PNN: variants seen among roughly 807,000 people sequenced by gnomAD.
PNN encodes pinin, desmosome associated protein.
A neutral mutation model predicts 76.6 loss-of-function variants in PNN; 38 were observed. That is an observed-to-expected ratio of 0.50 (90% confidence interval 0.38 to 0.65). The LOEUF (loss-of-function observed/expected upper bound fraction) is 0.65, where lower values mean the gene tolerates loss of function less well. PNN is among the 30% of genes least tolerant of loss of function. The probability of loss-of-function intolerance (pLI) is 0.00; values close to 1 mark genes in which losing one functional copy is unlikely to be tolerated. For missense variants in PNN, 873 were observed against 874.1 expected (o/e 1.00, Z 0.02); for synonymous variants, 366 against 283.7 (o/e 1.29, Z -2.91).
chr14:39,179,186 G>A lies in PNN; in HGVS notation c.594G>A (p.Glu198=). The change falls in exon 7 of 9, where the codon GAG becomes GAA. Residue 198 remains glutamate (E), a synonymous_variant. Coordinates refer to ENST00000216832, the MANE Select transcript of PNN (RefSeq NM_002687.4). ...VENERRELFE[E]RRAKQTELRL... is the part of the protein sequence containing the mutation. ...ATGAAAGGAGAGAACTGTTTGAAGA[G>A]AGGCGTGCTAAACAGACAGAACTGC... 6.2e-7 allele frequency: 1 copy of A among 1,614,148 alleles called. No homozygotes were observed.
In PNN at chr14:39,181,120, G is replaced by A; in HGVS notation, c.1411G>A (p.Glu471Lys). ...KEEKESEPQP[E>K]PVAQPQPQSQ... is the part of the protein sequence containing the mutation. ...AGAAAAAGAATCTGAGCCCCAACCT[G>A]AGCCTGTGGCTCAACCTCAGCCTCA... Residue 471 changes from glutamate to lysine, a missense_variant, in exon 9 of 9, where the codon GAG (glutamate) becomes AAG (lysine). By Grantham distance (56) the Glu-to-Lys change is moderately conservative (BLOSUM62 1). Around this residue, in one of 3 missense-constraint regions of PNN, gnomAD observed 712 missense variants for 693.1 expected, o/e 1.03. Transcript: ENST00000216832. 6.2e-7 allele frequency: 1 copy of A among 1,612,704 alleles called. No individual in the cohort carries two copies. The highest frequency in any genetic ancestry group is 8.5e-7 in the Non-Finnish European group (1 of 1,178,768).
At chr14:39,176,046 T>C (rs1418137391) in intron 1 of PNN, 32 bp from the exon 2 acceptor site, 6 of 1,291,326 alleles carry the variant, frequency 4.6e-6, no homozygotes, top group South Asian at 2.4e-5. Flanking sequence ...TGTCTACATA[T>C]GATTTTGCAC....
Position 39,181,502 on chromosome 14 carries a change from G to C in PNN, c.1793G>C (p.Ser598Thr). The C allele has an allele frequency of 6.2e-7, 1 of 1,601,222 alleles. No individual in the cohort carries two copies. Among genetic ancestry groups the C allele is most frequent in the Non-Finnish European group, 8.5e-7 (1 of 1,173,850 alleles). The change falls in exon 9 of 9, where the codon AGT becomes ACT. Residue 598 changes from serine to threonine, a missense_variant. Ser to Thr is a moderately conservative substitution (Grantham distance 58). Around this residue, in one of 3 missense-constraint regions of PNN, gnomAD observed 712 missense variants for 693.1 expected, o/e 1.03. Coordinates refer to ENST00000216832, the MANE Select transcript of PNN (RefSeq NM_002687.4). ...TSSSSGSSSS[S>T]GSSSSRSSSS... ...AGCAGCAGTGGAAGTAGTTCCAGCAGTGGAAGTAGTAGCAGTCGCAGTAGT... is the reference window on the plus strand; with the variant it reads ...AGCAGCAGTGGAAGTAGTTCCAGCACTGGAAGTAGTAGCAGTCGCAGTAGT...
intron 8 of PNN, 53 bp from the exon 9 acceptor site, chr14:39,180,450 C>T (rs894138049): frequency 6.8e-7 from 1 of 1,476,454 alleles, no homozygotes. Flanking sequence ...AAAATTATGG[C>T]TTTGAATTTT....
intron 1 of PNN, among the ~76,000 whole-genome samples, 200 bp downstream of exon 1, chr14:39,175,592 T>G (rs1251939650): frequency 2.0e-5 from 3 of 152,166 alleles, no homozygotes; most frequent in Admixed American, 2.0e-4. Flanking sequence ...CTCAGGTCCC[T>G]GAGGAAGGAG....
chr14:39,181,664 G>A lies in PNN; in HGVS notation c.1955G>A (p.Arg652Gln), dbSNP rs151028611. 26 of 1,613,884 alleles carry A rather than the reference G, an allele frequency of 1.6e-5. No homozygotes were observed. The African/African-American group carries it at 2.1e-4, about 13-fold the overall frequency. Reference protein sequence around the residue: ...RDRKHRRSVDRKRRDTSGLER... With the variant: ...RDRKHRRSVDQKRRDTSGLER... ...AGAAAGCACAGAAGGAGCGTGGATC[G>A]GAAGAGAAGGGATACTTCAGGACTA... The change falls in exon 9 of 9, where the codon CGG becomes CAG. Residue 652 changes from arginine to glutamine, a missense_variant. By Grantham distance (43) the Arg-to-Gln change is conservative. Transcript: ENST00000216832.
At position 39,181,940 on chromosome 14, in the gene PNN, AAG is replaced by A. The variant is rs201397104; in HGVS notation, c.*80_*81del. On this transcript the variant is annotated 3_prime_UTR_variant, in exon 9 of 9. Transcript: ENST00000216832. ...TAAAAAAGGATTACCTTTCCTTGTA[AAG>A]AGGATGCTGCCTTAAGAATTGCATG... The A allele has an allele frequency of 0.031, 44,175 of 1,403,066 alleles. 1,062 individuals carry two copies. The highest frequency in any genetic ancestry group is 0.11 in the Admixed American group (4,611 of 40,868). The allele number at this position is 1,403,066 out of a possible 1,614,324, so 86.9% of individuals were successfully genotyped here.
Position 39,179,145 on chromosome 14 carries a change from A to C in PNN, c.553A>C (p.Arg185=), listed in dbSNP as rs141299673. The change falls in exon 7 of 9, where the codon AGA becomes CGA. Residue 185 remains arginine, a synonymous_variant. Transcript: ENST00000216832. ...QKLEVQAEEE[R]KQVENERREL... The stretch of plus-strand genomic sequence containing the variant: ...ACTTGAAGTTCAGGCAGAAGAAGAG[A>C]GAAAGCAGGTTGAAAATGAAAGGAG... 2.8e-3 allele frequency: 4,459 copies of C among 1,614,062 alleles called. 8 individuals are homozygous for C. Among genetic ancestry groups the C allele is most frequent in the Non-Finnish European group, 3.4e-3 (3,982 of 1,179,984 alleles).
rs769933168 is a variant in PNN at position 39,181,540 on chromosome 14, T to G, written c.1831T>G (p.Ser611Ala). ...CAGTCGCAGTAGTTCCAGTAGCAGC[T>G]CCAGTACAAGTGGCAGCAGCAGCAG... is the stretch of plus-strand genomic sequence containing the variant. The part of the protein sequence containing the change: ...SSSRSSSSSS[S>A]STSGSSSRDS... Residue 611 changes from serine (S) to alanine (A), a missense_variant, in exon 9 of 9, where the codon TCC becomes GCC. Ser to Ala is a moderately conservative substitution (Grantham distance 99). Coordinates refer to ENST00000216832, the MANE Select transcript of PNN (RefSeq NM_002687.4). 5.0e-6 allele frequency: 8 copies of G among 1,606,816 alleles called. No homozygotes were observed. The highest frequency in any genetic ancestry group is 6.8e-6 in the Non-Finnish European group (8 of 1,176,604).
intron 3 of PNN, 126 bp downstream of exon 3, chr14:39,176,721 C>G (rs1469753860): frequency 1.5e-6 from 1 of 658,710 alleles, no homozygotes; most frequent in African/African-American, 1.9e-5. Context: ...CTCCCTGCCC[C>G]CCCCAAGTTC....
rs944073212 is a variant in PNN at position 39,181,069 on chromosome 14, A to G, written c.1360A>G (p.Met454Val). The G allele has an allele frequency of 6.8e-6, 11 of 1,613,942 alleles. No homozygotes were observed. The highest frequency in any genetic ancestry group is 6.7e-5 in the African/African-American group (5 of 75,008). ...PGKENVSALD[M>V]EKESEEKEEK... Reference sequence around the variant, plus strand: ...GAAAGAGAATGTCAGTGCTTTAGACATGGAAAAGGAGTCTGAGGAAAAAGA... The same window carrying G: ...GAAAGAGAATGTCAGTGCTTTAGACGTGGAAAAGGAGTCTGAGGAAAAAGA... Residue 454 changes from methionine to valine, a missense_variant, in exon 9 of 9, where the codon ATG (methionine) becomes GTG (valine). Physicochemically the swap from Met to Val is conservative, Grantham distance 21 (BLOSUM62 1). Coordinates refer to ENST00000216832, the MANE Select transcript of PNN (RefSeq NM_002687.4).
In PNN at chr14:39,182,638, T is replaced by C. The variant is rs2053278386; in HGVS notation, c.*775T>C. 2 of 152,616 alleles carry C rather than the reference T, an allele frequency of 1.3e-5. No homozygotes were observed. Among genetic ancestry groups the C allele is most frequent in the Admixed American group, 1.3e-4 (2 of 15,288 alleles). The allele number at this position is 152,616 out of a possible 1,614,324, so 9.5% of individuals were successfully genotyped here. Reference sequence around the variant, plus strand: ...TACATCTGTTAAAGAAAATCACTTCTTTCTAGGGGAGGGAGGTAGAAAAGT... The same window carrying C: ...TACATCTGTTAAAGAAAATCACTTCCTTCTAGGGGAGGGAGGTAGAAAAGT... On this transcript the variant is annotated 3_prime_UTR_variant, in exon 9 of 9. Coordinates refer to ENST00000216832, the MANE Select transcript of PNN (RefSeq NM_002687.4).
chr14:39,180,395 A>G (rs1476989867), intron 8 of PNN, 108 bp from the exon 9 acceptor site: 3 of 1,249,170 alleles, frequency 2.4e-6, no homozygotes, highest in East Asian at 5.2e-5. Context: ...TAACTTTACA[A>G]AAACAAATTC....
Position 39,181,219 on chromosome 14 carries a change from G to A in PNN, c.1510G>A (p.Asp504Asn). 6.2e-7 allele frequency: 1 copy of A among 1,613,970 alleles called. No homozygotes were observed. The highest frequency in any genetic ancestry group is 8.5e-7 in the Non-Finnish European group (1 of 1,179,886). ...GTCCCAGCCTCCCTCTCAGCCTGAGGATTTGTCATTAGCTGTTTTACAGCC... is the reference window on the plus strand; with the variant it reads ...GTCCCAGCCTCCCTCTCAGCCTGAGAATTTGTCATTAGCTGTTTTACAGCC... ...LQSQPPSQPE[D>N]LSLAVLQPTP... Residue 504 changes from aspartate to asparagine, a missense_variant, in exon 9 of 9, where the codon GAT becomes AAT. Asp to Asn is a conservative substitution (Grantham distance 23). Coordinates refer to ENST00000216832, the MANE Select transcript of PNN (RefSeq NM_002687.4).
intron 8 of PNN, among the ~76,000 whole-genome samples, chr14:39,180,056 T>C (rs748241167): frequency 5.3e-5 from 8 of 152,178 alleles, no homozygotes; most frequent in Non-Finnish European, 1.0e-4. Flanking sequence ...TTGCATGCTA[T>C]TATTGTTCTG....
In PNN at chr14:39,181,147, T is replaced by G; in HGVS notation, c.1438T>G (p.Ser480Ala). Residue 480 changes from serine (S) to alanine (A), a missense_variant, in exon 9 of 9, where the codon TCT (serine) becomes GCT (alanine). This residue lies in a region of PNN where 712 missense variants were observed against 693.1 expected (regional missense o/e 1.03). Coordinates refer to ENST00000216832, the MANE Select transcript of PNN (RefSeq NM_002687.4). ...PEPVAQPQPQ[S>A]QPQLQLQSQS... ...GCCTGTGGCTCAACCTCAGCCTCAG[T>G]CTCAGCCCCAGCTTCAGCTTCAATC... 6.2e-7 allele frequency: 1 copy of G among 1,604,840 alleles called. No individual in the cohort carries two copies. Among genetic ancestry groups the G allele is most frequent in the Non-Finnish European group, 8.5e-7 (1 of 1,171,602 alleles).
chr14:39,179,317 T>C lies in PNN; in HGVS notation c.655-7T>C. Reference sequence around the variant, plus strand: ...ACAAAAGCACTGACCCTTTACCTTTTCTTTAGCAAGAAGAATGGAATGAAC... The same window carrying C: ...ACAAAAGCACTGACCCTTTACCTTTCCTTTAGCAAGAAGAATGGAATGAAC... On this transcript the variant is annotated splice_region_variant and splice_polypyrimidine_tract_variant and intron_variant, in intron 7 of 8. Coordinates refer to ENST00000216832, the MANE Select transcript of PNN (RefSeq NM_002687.4). 6.2e-7 allele frequency: 1 copy of C among 1,608,928 alleles called. No individual in the cohort carries two copies. Among genetic ancestry groups the C allele is most frequent in the Non-Finnish European group, 8.5e-7 (1 of 1,178,664 alleles).
rs745866410 is a variant in PNN, at chr14:39,181,519, C to A, written c.1810C>A (p.Arg604Ser). 3 of 1,600,098 alleles carry A rather than the reference C, an allele frequency of 1.9e-6. No homozygotes were observed. The highest frequency in any genetic ancestry group is 2.6e-6 in the Non-Finnish European group (3 of 1,173,442). ...TTCCAGCAGTGGAAGTAGTAGCAGT[C>A]GCAGTAGTTCCAGTAGCAGCTCCAG... ...SSSSSGSSSS[R>S]SSSSSSSSTS... is the part of the protein sequence containing the mutation. The change falls in exon 9 of 9, where the codon CGC (arginine) becomes AGC (serine). Residue 604 changes from arginine to serine, a missense_variant. This residue lies in a region of PNN where 712 missense variants were observed against 693.1 expected (regional missense o/e 1.03). Coordinates refer to ENST00000216832, the MANE Select transcript of PNN (RefSeq NM_002687.4).
At position 39,181,951 on chromosome 14, in the gene PNN, G is replaced by T; in HGVS notation, c.*88G>T. On this transcript the variant is annotated 3_prime_UTR_variant, in exon 9 of 9. Transcript: ENST00000216832. ...TACCTTTCCTTGTAAAGAGGATGCT[G>T]CCTTAAGAATTGCATGTTGTAAAAA... The T allele has an allele frequency of 7.5e-7, 1 of 1,331,010 alleles. No homozygotes were observed. The highest frequency in any genetic ancestry group is 1.0e-6 in the Non-Finnish European group (1 of 988,134). 82.4% of individuals were successfully genotyped at this position (1,331,010 alleles called of 1,614,324 possible). A position where few individuals can be genotyped will look rare whatever the true frequency, so the allele number is the denominator to read the frequency against.
Sources: allele counts gnomAD v4.1 joint callset (sites outside exome capture counted in the v4.1 genomes callset), GRCh38; gene constraint gnomAD v4.1.1; regional missense constraint gnomAD v4.1.1; transcripts MANE v1.5; gene names NCBI Gene and HGNC (gene_info 2026-07-23, HGNC 2026-07-21).